SIK3: variants seen among roughly 807,000 people sequenced by gnomAD.
SIK3 encodes SIK family kinase 3.
In SIK3, 28 loss-of-function variants were observed where a neutral mutation model predicts 144.2. That is an observed-to-expected ratio of 0.19 (90% CI 0.14 to 0.27). The LOEUF (loss-of-function observed/expected upper bound fraction) is 0.27. Among genes scored for constraint, SIK3 ranks in the 10% least tolerant of loss-of-function variants. The probability of loss-of-function intolerance (pLI) is 1.00; values close to 1 mark genes in which losing one functional copy is unlikely to be tolerated. For missense variants in SIK3, 1,319 were observed against 1,776.0 expected, an observed-to-expected ratio of 0.74 and a Z score of 4.62; for synonymous variants, 686 against 676.3, an observed-to-expected ratio of 1.01 and a Z score of -0.22.
At chr11:117,087,334 T>C (rs1390659589) in intron 1 of SIK3, among the ~76,000 whole-genome samples, 1 of 151,814 alleles carries the variant, frequency 6.6e-6, no homozygotes, top group Non-Finnish European at 1.5e-5. Context: ...TCCCAGCTAC[T>C]AGGGAAGCTG....
chr11:117,063,654 C>T (rs1250361641), intron 1 of SIK3, among the ~76,000 whole-genome samples: 2 of 149,142 alleles, frequency 1.3e-5, no homozygotes, highest in Admixed American at 6.7e-5. Context: ...GGCATGATCT[C>T]GGCTCACTGC....
intron 4 of SIK3, among the ~76,000 whole-genome samples, chr11:116,901,834 C>T (rs1442367782): frequency 6.6e-6 from 1 of 152,134 alleles, no homozygotes; most frequent in African/African-American, 2.4e-5. Flanking sequence ...AACACCGTAA[C>T]TTTCACTTAC....
chr11:116,876,322 C>T lies in SIK3; in HGVS notation c.1026G>A (p.Val342=), dbSNP rs746376185. ...ECQQLKEERQ[V]DPLNEDVLLA... is the part of the protein sequence containing the mutation. ...AGAGGACATCCTCATTCAGGGGGTC[C>T]ACCTGTCTTTCTTCCTTTAGTTGTT... Residue 342 remains valine (V), a synonymous_variant, in exon 8 of 25, where the codon GTG becomes GTA. Transcript: ENST00000445177. 3.1e-6 allele frequency: 5 copies of T among 1,614,246 alleles called. No individual in the cohort carries two copies. The highest frequency in any genetic ancestry group is 4.2e-6 in the Non-Finnish European group (5 of 1,180,036).
At position 116,867,952 on chromosome 11, in the gene SIK3, T is replaced by C; in HGVS notation, c.1946A>G (p.Gln649Arg). The stretch of plus-strand genomic sequence containing the variant: ...AGCTCATGTGGCTACTCACCGATGC[T>C]GATCAGGTACCAGGTGAGGAGGCCA... ...RVWPPHLVPD[Q>R]HRSTYKDSNT... Residue 649 changes from glutamine to arginine, a missense_variant, in exon 15 of 25, where the codon CAG becomes CGG. Around this residue, in one of 8 missense-constraint regions of SIK3, gnomAD observed 47 missense variants for 40.2 expected, o/e 1.17. Transcript: ENST00000445177. The surrounding 1 kb of genome is among the most constrained non-coding windows in gnomAD (Gnocchi z 4.1). The C allele has an allele frequency of 6.5e-7, 1 of 1,542,010 alleles. No individual in the cohort carries two copies. The highest frequency in any genetic ancestry group is 8.8e-7 in the Non-Finnish European group (1 of 1,142,140).
At position 116,998,988 on chromosome 11, in the gene SIK3, G is replaced by A. The variant is rs184760941; in HGVS notation, c.274-41924C>T. Among the ~76,000 whole-genome samples the A allele has an allele frequency of 2.7e-3, 404 of 152,212 alleles. 1 individual carries two copies. The highest frequency in any genetic ancestry group is 0.01 in the Middle Eastern group (3 of 294). ...ATTTTGAGTAAGTTAAGATAAAACT[G>A]ACAAATACAGGTAGCCTCAAGAACA... On this transcript the variant is annotated intron_variant, in intron 1 of 24. Transcript: ENST00000445177.
chr11:116,959,199 T>C (rs986092806), intron 1 of SIK3, among the ~76,000 whole-genome samples: 2 of 152,090 alleles, frequency 1.3e-5, no homozygotes, highest in East Asian at 1.9e-4. Context: ...CCGAGCATGG[T>C]AGCATGTGTC....
intron 1 of SIK3, among the ~76,000 whole-genome samples, chr11:117,096,967 CT>C (rs1296970224): frequency 1.3e-5 from 2 of 152,158 alleles, no homozygotes; most frequent in African/African-American, 4.8e-5. Context: ...AAAACACAAG[CT>C]GCAGTTCTAA....
At chr11:116,862,478 A>C in intron 16 of SIK3, 151 bp from the exon 17 acceptor site, 1 of 916,656 alleles carries the variant, frequency 1.1e-6, no homozygotes, top group Admixed American at 2.2e-5. Flanking sequence ...CATTTACCTA[A>C]GTATCTGGTG....
chr11:116,895,106 G>C (rs905237161), intron 6 of SIK3, among the ~76,000 whole-genome samples: 1 of 152,016 alleles, frequency 6.6e-6, no homozygotes, highest in African/African-American at 2.4e-5. Flanking sequence ...ACATTAACTA[G>C]GCCCTAAAAT....
intron 1 of SIK3, among the ~76,000 whole-genome samples, chr11:117,084,391 G>A (rs76718997): frequency 7.2e-5 from 11 of 152,048 alleles, no homozygotes; most frequent in African/African-American, 2.4e-4. Flanking sequence ...CAGACCTCTC[G>A]AGTAGCTAGG....
chr11:116,958,764 G>A (rs1034194162), intron 1 of SIK3, among the ~76,000 whole-genome samples: 2 of 152,112 alleles, frequency 1.3e-5, no homozygotes, highest in African/African-American at 4.8e-5. Context: ...AGAAGTCTTG[G>A]ATAATATAAC....
intron 1 of SIK3, among the ~76,000 whole-genome samples, chr11:117,042,736 AAT>A (rs1425248575): frequency 1.3e-5 from 2 of 152,216 alleles, no homozygotes; most frequent in Non-Finnish European, 2.9e-5. Context: ...CCCTTAAAAT[AAT>A]ATCTTTCTCT....
At chr11:116,857,647 C>T in intron 21 of SIK3, 163 bp downstream of exon 21, 1 of 1,237,330 alleles carries the variant, frequency 8.1e-7, no homozygotes, top group Non-Finnish European at 1.1e-6. Context: ...ACCCCTTGCC[C>T]ACCAATACCC....
chr11:116,981,942 G>A (rs1950153294), intron 1 of SIK3, among the ~76,000 whole-genome samples: 2 of 152,216 alleles, frequency 1.3e-5, no homozygotes, highest in African/African-American at 4.8e-5. Context: ...TAAGTTTTCA[G>A]TTTAGAGATT....
chr11:116,891,500 C>G (rs1041260763), intron 6 of SIK3, among the ~76,000 whole-genome samples: 5 of 152,182 alleles, frequency 3.3e-5, no homozygotes, highest in Non-Finnish European at 5.9e-5. Flanking sequence ...TATGCGTGTT[C>G]TGGGTCACAG....
At chr11:117,003,681 T>C (rs1008645212) in intron 1 of SIK3, among the ~76,000 whole-genome samples, 2 of 152,158 alleles carry the variant, frequency 1.3e-5, no homozygotes, top group African/African-American at 2.4e-5. Context: ...GTAAGCACTA[T>C]ATAAACATAA....
In SIK3 at chr11:116,858,633, C is replaced by T. The variant is rs1427604895; in HGVS notation, c.2832G>A (p.Ser944=). 7.5e-6 allele frequency: 12 copies of T among 1,597,950 alleles called. No individual in the cohort carries two copies. The highest frequency in any genetic ancestry group is 2.7e-5 in the African/African-American group (2 of 74,324). ...TGCTGGGGGAACCCCGGGACTGGTC[C>T]GAAAACAGATGGGGGTGTAAATGCG... is the stretch of plus-strand genomic sequence containing the variant. The part of the protein sequence containing the change: ...DQAHLHPHLF[S]DQSRGSPSSY... The change falls in exon 21 of 25, where the codon TCG becomes TCA. Residue 944 remains serine (S), a synonymous_variant. Transcript: ENST00000445177. This position sits in a 1 kb window ranked among gnomAD's most constrained non-coding sequence, Gnocchi z 5.4.
chr11:116,917,766 G>A (rs1185856392), intron 4 of SIK3, among the ~76,000 whole-genome samples: 1 of 145,630 alleles, frequency 6.9e-6, no homozygotes, highest in Non-Finnish European at 1.5e-5. Flanking sequence ...GAGAGCGAGA[G>A]AGAAAGAACG....
At chr11:117,096,467 C>T (rs372556636) in intron 1 of SIK3, among the ~76,000 whole-genome samples, 1 of 152,156 alleles carries the variant, frequency 6.6e-6, no homozygotes, top group South Asian at 2.1e-4. Flanking sequence ...GGCTAATAGT[C>T]AACTAGACTG....
Sources: allele counts gnomAD v4.1 joint callset (sites outside exome capture counted in the v4.1 genomes callset), GRCh38; gene constraint gnomAD v4.1.1; regional missense constraint gnomAD v4.1.1; non-coding constraint Gnocchi (gnomAD v3.1); transcripts MANE v1.5; gene names NCBI Gene and HGNC (gene_info 2026-07-23, HGNC 2026-07-21).